The following GGACT variants were observed in gnomAD, a reference collection of about 807,000 sequenced individuals.
GGACT encodes the protein gamma-glutamylamine cyclotransferase, also known as gamma-glutamylaminecyclotransferase.
For missense variants in GGACT, 241 were observed against 233.2 expected (o/e 1.03, Z -0.22); for synonymous variants, 118 against 115.3 (o/e 1.02, Z -0.15).
chr13:100,555,241 A>G (rs576498936), intron 2 of GGACT, among the ~76,000 whole-genome samples: 2 of 152,352 alleles, frequency 1.3e-5, no homozygotes, highest in East Asian at 3.9e-4. Flanking sequence ...AAAGAAAATT[A>G]CAGCCAGGCA....
At chr13:100,578,165 T>C (rs1480818619) in intron 2 of GGACT, among the ~76,000 whole-genome samples, 1 of 152,182 alleles carries the variant, frequency 6.6e-6, no homozygotes, top group East Asian at 1.9e-4. Flanking sequence ...TGCACTCCTC[T>C]TTTCCTCCCA....
At chr13:100,561,481 T>C (rs996735641) in intron 2 of GGACT, among the ~76,000 whole-genome samples, 2 of 152,212 alleles carry the variant, frequency 1.3e-5, no homozygotes, top group East Asian at 3.9e-4. Context: ...ACCCCGATTT[T>C]GAGCTATCTT....
At chr13:100,561,101 G>A (rs899762756) in intron 2 of GGACT, among the ~76,000 whole-genome samples, 1 of 152,104 alleles carries the variant, frequency 6.6e-6, no homozygotes, top group Non-Finnish European at 1.5e-5. Context: ...GCCCTCCTAA[G>A]TCTCATCAAG....
intron 2 of GGACT, among the ~76,000 whole-genome samples, chr13:100,541,047 A>C (rs1002925550): frequency 6.6e-6 from 1 of 152,230 alleles, no homozygotes; most frequent in African/African-American, 2.4e-5. Flanking sequence ...TCAGGGTCTC[A>C]GATAAAATGT....
chr13:100,550,299 TACAC>T (rs755235689), intron 2 of GGACT, among the ~76,000 whole-genome samples: 1,508 of 26,910 alleles, frequency 0.056, 95 homozygotes, highest in Admixed American at 0.076. Context: ...GATTATACTC[TACAC>T]ACACACACAC....
rs140814231 is a variant in GGACT, at chr13:100,581,418, A to G, written c.-11+2407T>C. Among the ~76,000 whole-genome samples the G allele has an allele frequency of 6.5e-3, 991 of 152,368 alleles. 12 individuals are homozygous for G. Among genetic ancestry groups the G allele is most frequent in the African/African-American group, 0.023 (949 of 41,582 alleles). On this transcript the variant is annotated intron_variant, in intron 2 of 2. Coordinates refer to ENST00000683975, the MANE Select transcript of GGACT (RefSeq NM_001195087.2). ...AGATGGGACAAGTTGAAAGGACACA[A>G]GAGACAATGGAACAGGCTCCCAATG...
chr13:100,570,953 C>T (rs189600757), intron 2 of GGACT, among the ~76,000 whole-genome samples: 5 of 152,160 alleles, frequency 3.3e-5, no homozygotes, highest in East Asian at 3.9e-4. Context: ...TTGGCCTCCC[C>T]GAGAGATTGC....
intron 2 of GGACT, among the ~76,000 whole-genome samples, chr13:100,563,697 T>C (rs368058353): frequency 1.3e-5 from 2 of 152,230 alleles, no homozygotes. Context: ...ACAGATAAAA[T>C]CTACTATTAG....
At chr13:100,565,159 G>T (rs1327187447) in intron 2 of GGACT, among the ~76,000 whole-genome samples, 1 of 152,226 alleles carries the variant, frequency 6.6e-6, no homozygotes, top group East Asian at 1.9e-4. Flanking sequence ...TGTTTAGAGC[G>T]GCTTGGTGAG....
intron 2 of GGACT, among the ~76,000 whole-genome samples, chr13:100,561,912 T>G (rs912780025): frequency 6.6e-6 from 1 of 152,136 alleles, no homozygotes; most frequent in Non-Finnish European, 1.5e-5. Flanking sequence ...GTTCAAGCAA[T>G]GACAGTTGTT....
chr13:100,576,340 C>T (rs573927309), intron 2 of GGACT, among the ~76,000 whole-genome samples: 9 of 152,214 alleles, frequency 5.9e-5, no homozygotes, highest in South Asian at 4.1e-4. Context: ...CTCACCATTG[C>T]GGGTGGGAAT....
chr13:100,538,589 GA>G (rs2088520733), intron 2 of GGACT: 2 of 152,150 alleles, frequency 1.3e-5, no homozygotes, highest in African/African-American at 4.8e-5. Context: ...AATAACCACG[GA>G]AAGCAAAACC....
At chr13:100,533,207 AGGCCCTAGTAT>A (rs2088441552) in intron 2 of GGACT, 1 of 157,638 alleles carries the variant, frequency 6.3e-6, no homozygotes, top group African/African-American at 2.4e-5. Context: ...CGCCCTGTCC[AGGCCCTAGTAT>A]GGCCCTCCCA....
chr13:100,546,618 A>G (rs1460491381), intron 2 of GGACT, among the ~76,000 whole-genome samples: 1 of 152,138 alleles, frequency 6.6e-6, no homozygotes, highest in Non-Finnish European at 1.5e-5. Flanking sequence ...CAAGGCCACA[A>G]TAAGCCATGA....
intron 2 of GGACT, among the ~76,000 whole-genome samples, chr13:100,552,063 T>C (rs1241726557): frequency 1.3e-5 from 2 of 152,232 alleles, no homozygotes; most frequent in African/African-American, 4.8e-5. Context: ...CCCAGCCATG[T>C]GCAGGGCAAG....
chr13:100,546,149 A>G (rs1177932885), intron 2 of GGACT, among the ~76,000 whole-genome samples: 2 of 152,020 alleles, frequency 1.3e-5, no homozygotes, highest in Admixed American at 6.5e-5. Flanking sequence ...TCACGAGGAC[A>G]GGAGATCGAG....
chr13:100,550,288 C>T (rs1230575898), intron 2 of GGACT, among the ~76,000 whole-genome samples: 1 of 143,286 alleles, frequency 7.0e-6, no homozygotes, highest in East Asian at 2.1e-4. Flanking sequence ...AAATCCGAGC[C>T]GATTATACTC....
At position 100,532,471 on chromosome 13, in the gene GGACT, G is replaced by T. The variant is rs1232147691; in HGVS notation, c.121C>A (p.Pro41Thr). ...TTGTGCTCCCCCGCGATCACCAACG[G>T]GTAGGGCTCCAGCGTGCGGCCGCGC... The part of the protein sequence containing the change: ...RARGRTLEPY[P>T]LVIAGEHNIP... The change falls in exon 3 of 3, where the codon CCG becomes ACG. Residue 41 changes from proline to threonine, a missense_variant. Transcript: ENST00000683975. The T allele has an allele frequency of 6.5e-7, 1 of 1,549,548 alleles. No homozygotes were observed. The highest frequency in any genetic ancestry group is 8.7e-7 in the Non-Finnish European group (1 of 1,146,630).
chr13:100,583,000 TA>T (rs920266451), intron 2 of GGACT, among the ~76,000 whole-genome samples: 2 of 151,972 alleles, frequency 1.3e-5, no homozygotes, highest in African/African-American at 4.8e-5. Flanking sequence ...TTTTTCTTGG[TA>T]AAAAAAACTG....
Sources: gnomAD v4.1 joint callset for allele counts (sites outside exome capture counted in the v4.1 genomes callset) on GRCh38, gnomAD v4.1.1 for gene constraint, MANE v1.5 for transcripts, NCBI Gene and HGNC (gene_info 2026-07-23, HGNC 2026-07-21) for gene names.